GLIS3: variants seen among roughly 807,000 people sequenced by gnomAD.
GLIS3 encodes the protein GLIS family zinc finger 3, also known as zinc finger protein GLIS3.
In GLIS3, 53 loss-of-function variants were observed where a neutral mutation model predicts 78.6. That is an observed-to-expected ratio of 0.67 (90% CI 0.54 to 0.85). The LOEUF (loss-of-function observed/expected upper bound fraction) is 0.85, where lower values mean the gene tolerates loss of function less well. Among genes scored for constraint, GLIS3 ranks in the 40% least tolerant of loss-of-function variants. The pLI, the probability that GLIS3 is intolerant of heterozygous loss-of-function variation, is 0.00. For synonymous variants in GLIS3, 684 were observed against 509.9 expected, an observed-to-expected ratio of 1.34 and a Z score of -4.60; for missense variants, 1,703 against 1,231.1, an observed-to-expected ratio of 1.38 and a Z score of -5.74.
intron 2 of GLIS3, among the ~76,000 whole-genome samples, chr9:4,155,548 G>A (rs1376334119): frequency 1.3e-5 from 2 of 152,146 alleles, no homozygotes; most frequent in African/African-American, 2.4e-5. Context: ...TTTAAATGAT[G>A]AAATATTTAG....
In GLIS3 at chr9:4,025,515, G is replaced by A. The variant is rs555127437; in HGVS notation, c.1711-88326C>T. ...CGATTCTCCTGCCTCAGCCTCCCGA[G>A]TAGCTGGGATTACAGGCACCCACCA... On this transcript the variant is annotated intron_variant, in intron 4 of 10. Coordinates refer to ENST00000381971, the MANE Select transcript of GLIS3 (RefSeq NM_001042413.2). Among the ~76,000 whole-genome samples the A allele has an allele frequency of 4.6e-5, 7 of 152,160 alleles. No homozygotes were observed. In the East Asian group the frequency reaches 1.2e-3, roughly 25 times the overall value.
upstream of GLIS3, among the ~76,000 whole-genome samples, chr9:4,350,167 A>G (rs920416771): frequency 4.6e-5 from 7 of 152,204 alleles, no homozygotes; most frequent in Non-Finnish European, 1.0e-4. Flanking sequence ...GAGCTATCAC[A>G]AGGCCCAGTG....
chr9:4,167,825 A>G (rs747318882), intron 2 of GLIS3, among the ~76,000 whole-genome samples: 2 of 152,170 alleles, frequency 1.3e-5, no homozygotes, highest in Middle Eastern at 3.2e-3. Flanking sequence ...CACGGCACCT[A>G]TGGCTTCCGG....
chr9:3,887,371 A>C (rs1822150933), intron 7 of GLIS3, among the ~76,000 whole-genome samples: 1 of 152,216 alleles, frequency 6.6e-6, no homozygotes, highest in African/African-American at 2.4e-5. Context: ...ACGGATAAAC[A>C]AATGTGTTAG....
chr9:3,997,268 C>T (rs1820814519), intron 4 of GLIS3, among the ~76,000 whole-genome samples: 1 of 152,156 alleles, frequency 6.6e-6, no homozygotes, highest in Admixed American at 6.6e-5. Context: ...ATCGCTTGAA[C>T]TCAGGAGGCG....
At chr9:4,398,697 T>C in the GLIS3 span, among the ~76,000 whole-genome samples, 1 of 152,022 alleles carries the variant, frequency 6.6e-6, no homozygotes, top group African/African-American at 2.4e-5. Flanking sequence ...GTTGTTGTTG[T>C]ATTTTGTTTG....
chr9:4,371,862 T>A, the GLIS3 span, among the ~76,000 whole-genome samples: 1 of 152,196 alleles, frequency 6.6e-6, no homozygotes, highest in African/African-American at 2.4e-5. Context: ...ACTTCTTAGT[T>A]CTTTTGAATA....
At chr9:4,034,199 G>A (rs773374378) in intron 4 of GLIS3, among the ~76,000 whole-genome samples, 3 of 152,008 alleles carry the variant, frequency 2.0e-5, no homozygotes, top group Non-Finnish European at 4.4e-5. Flanking sequence ...TCCAACCTGG[G>A]CAACACAGTA....
chr9:4,067,153 CTTCTT>C, intron 4 of GLIS3, among the ~76,000 whole-genome samples: 1 of 128,882 alleles, frequency 7.8e-6, no homozygotes, highest in Non-Finnish European at 1.6e-5. Flanking sequence ...GACTTAGAAT[CTTCTT>C]TTATTTTTTT....
In GLIS3 at chr9:4,183,665, A is replaced by G. The variant is rs536543562; in HGVS notation, c.389-57724T>C. Among the ~76,000 whole-genome samples, 405 of 152,314 alleles carry G rather than the reference A, an allele frequency of 2.7e-3. 3 individuals carry two copies. Among genetic ancestry groups the G allele is most frequent in the Admixed American group, 0.026 (390 of 15,290 alleles). On this transcript the variant is annotated intron_variant, in intron 2 of 10. Transcript: ENST00000381971. ...ACTTTGAAGGTCTCTTTCAGCTTCA[A>G]CTTAATATGTTAAGTACATCTTACA...
At chr9:3,912,031 A>G (rs1047024805) in intron 6 of GLIS3, among the ~76,000 whole-genome samples, 14 of 152,150 alleles carry the variant, frequency 9.2e-5, no homozygotes, top group Non-Finnish European at 1.9e-4. Context: ...ACAGGTTCAT[A>G]TCTCAGCTCT....
intron 2 of GLIS3, among the ~76,000 whole-genome samples, chr9:4,219,099 T>C (rs1821102153): frequency 6.6e-6 from 1 of 152,234 alleles, no homozygotes; most frequent in Non-Finnish European, 1.5e-5. Context: ...AATCCTCCAC[T>C]AATGGAGGTG....
intron 7 of GLIS3, among the ~76,000 whole-genome samples, chr9:3,891,066 C>CAAAAAAAAAAAA (rs58449134): frequency 7.9e-6 from 1 of 126,994 alleles, no homozygotes; most frequent in African/African-American, 2.9e-5. Context: ...CTTCCTTCCT[C>CAAAAAAAAAAAA]AAAAAAAAAA....
chr9:4,469,657 G>A, the GLIS3 span, among the ~76,000 whole-genome samples: 2 of 152,272 alleles, frequency 1.3e-5, no homozygotes, highest in African/African-American at 4.8e-5. Flanking sequence ...GAAATTTATA[G>A]CACTAAATGC....
chr9:3,891,284 G>A (rs939754299), intron 7 of GLIS3, among the ~76,000 whole-genome samples: 19 of 152,234 alleles, frequency 1.2e-4, no homozygotes, highest in Non-Finnish European at 2.2e-4. Flanking sequence ...GCAGTTGATC[G>A]CACTAAGAGG....
chr9:4,281,048 C>T (rs1827499196), intron 2 of GLIS3, among the ~76,000 whole-genome samples: 1 of 152,088 alleles, frequency 6.6e-6, no homozygotes, highest in Non-Finnish European at 1.5e-5. Flanking sequence ...GTGTAAACAA[C>T]TCAATAACAT....
At chr9:3,971,359 G>A (rs1342369499) in intron 4 of GLIS3, among the ~76,000 whole-genome samples, 1 of 152,126 alleles carries the variant, frequency 6.6e-6, no homozygotes, top group Non-Finnish European at 1.5e-5. Flanking sequence ...CCCTTACTCG[G>A]TTGAGGGAAA....
At chr9:4,103,167 G>T (rs909795325) in intron 4 of GLIS3, among the ~76,000 whole-genome samples, 1 of 152,080 alleles carries the variant, frequency 6.6e-6, no homozygotes, top group Admixed American at 6.6e-5. Flanking sequence ...TCAACACATA[G>T]TACACAAAAG....
chr9:4,348,327 C>T (rs537449202), exon 1 of GLIS3: 2 of 137,696 alleles, frequency 1.5e-5, no homozygotes, highest in Non-Finnish European at 3.4e-5. Flanking sequence ...TCAGCACCCT[C>T]GGGAAACAGC....
Sources: gnomAD v4.1 joint callset for allele counts (sites outside exome capture counted in the v4.1 genomes callset) on GRCh38, gnomAD v4.1.1 for gene constraint, MANE v1.5 for transcripts, NCBI Gene and HGNC (gene_info 2026-07-23, HGNC 2026-07-21) for gene names.